AQP7: variants seen among roughly 807,000 people sequenced by gnomAD.
AQP7 encodes the protein aquaporin-7.
AQP7 carries 22 observed loss-of-function variants against 26.1 expected under a neutral mutation model. The observed-to-expected ratio is 0.84, with a 90% CI of 0.60 to 1.20. The LOEUF (loss-of-function observed/expected upper bound fraction) is 1.20. AQP7 is among the 50% of genes most tolerant of loss of function. The pLI, the probability that AQP7 is intolerant of heterozygous loss-of-function variation, is 0.00. For missense variants in AQP7, 412 were observed against 457.5 expected, an observed-to-expected ratio of 0.90 and a Z score of 0.91; for synonymous variants, 167 against 181.7, an observed-to-expected ratio of 0.92 and a Z score of 0.65.
chr9:33,393,006 T>G (rs1465258447), intron 3 of AQP7, among the ~76,000 whole-genome samples: 8 of 152,196 alleles, frequency 5.3e-5, no homozygotes, highest in Non-Finnish European at 8.8e-5. Flanking sequence ...GGCAGGCAGA[T>G]CACCTGAATT....
intron 3 of AQP7, among the ~76,000 whole-genome samples, chr9:33,390,945 A>G (rs956136206): frequency 3.9e-5 from 6 of 152,200 alleles, no homozygotes; most frequent in African/African-American, 1.4e-4. Flanking sequence ...CCCCGTCTCT[A>G]CTAAAGATAC....
chr9:33,390,908 G>C (rs895949421), intron 3 of AQP7, among the ~76,000 whole-genome samples: 1 of 152,304 alleles, frequency 6.6e-6, no homozygotes, highest in African/African-American at 2.4e-5. Context: ...TCAGGAGTTC[G>C]AGACCTGCCT....
intron 1 of AQP7, 29 bp downstream of exon 1, chr9:33,402,344 A>G (rs1202037396): frequency 6.6e-6 from 1 of 152,464 alleles, no homozygotes; most frequent in Non-Finnish European, 1.5e-5. Context: ...AGGCTGCCCC[A>G]TCCCCACCCT....
intron 1 of AQP7, chr9:33,401,716 G>C (rs4008528): frequency 5.2e-6 from 1 of 193,410 alleles, no homozygotes; most frequent in African/African-American, 2.3e-5. Context: ...CACACACACA[G>C]AAGGTGAACA....
At chr9:33,387,210 G>A (rs1404753852) in intron 3 of AQP7, 118 bp from the exon 4 acceptor site, 16 of 1,244,936 alleles carry the variant, frequency 1.3e-5, no homozygotes, top group Middle Eastern at 5.6e-4. Flanking sequence ...GCATTGCCTC[G>A]AAGACCCGCT....
chr9:33,384,771 A>C lies in AQP7; in HGVS notation c.*234T>G, dbSNP rs1824582082. On this transcript the variant is annotated 3_prime_UTR_variant, in exon 8 of 8. Coordinates refer to ENST00000297988, the MANE Select transcript of AQP7 (RefSeq NM_001170.3). ...CGTTCTTTCATCTCACCCTGTTCCTACTGAGGGCGCAGGTCATCTCTTCCC... is the reference window on the plus strand; with the variant it reads ...CGTTCTTTCATCTCACCCTGTTCCTCCTGAGGGCGCAGGTCATCTCTTCCC... The C allele has an allele frequency of 8.0e-6, 4 of 498,224 alleles. No individual in the cohort carries two copies. The highest frequency in any genetic ancestry group is 1.1e-5 in the Non-Finnish European group (3 of 284,772). 30.9% of individuals were successfully genotyped at this position (498,224 alleles called of 1,614,324 possible).
chr9:33,394,374 A>T (rs958425372), intron 3 of AQP7: 1 of 151,078 alleles, frequency 6.6e-6, no homozygotes, highest in Non-Finnish European at 1.5e-5. Flanking sequence ...TACCTTTAAA[A>T]CCCAAATCTG....
chr9:33,394,277 T>C (rs1564185473), intron 3 of AQP7: 1 of 152,330 alleles, frequency 6.6e-6, no homozygotes, highest in Non-Finnish European at 1.5e-5. Context: ...TCACCTTCTC[T>C]CTGTCCCAGA....
intron 2 of AQP7, among the ~76,000 whole-genome samples, chr9:33,396,872 GATCGCTTGAGCCCA>G (rs1564190626): frequency 6.6e-6 from 1 of 151,406 alleles, no homozygotes; most frequent in East Asian, 1.9e-4. Flanking sequence ...GAGGCGAGCT[GATCGCTTGAGCCCA>G]GGAGTTCAAG....
intron 2 of AQP7, among the ~76,000 whole-genome samples, chr9:33,399,372 A>G (rs1826080036): frequency 6.6e-6 from 1 of 152,010 alleles, no homozygotes; most frequent in Non-Finnish European, 1.5e-5. Flanking sequence ...AGGCAGGTGG[A>G]TCACTTGAGG....
rs116837737 is a variant in AQP7, at chr9:33,383,560, G to C, written c.*1445C>G. The stretch of plus-strand genomic sequence containing the variant: ...ACTTCTCCGGTATTGATCAATCCCC[G>C]CTCTCGTCTCCACGCCCACGGTGCT... On this transcript the variant is annotated 3_prime_UTR_variant, in exon 8 of 8. Coordinates refer to ENST00000297988, the MANE Select transcript of AQP7 (RefSeq NM_001170.3). 6.6e-6 allele frequency: 1 copy of C among 152,150 alleles called. No homozygotes were observed. The highest frequency in any genetic ancestry group is 1.5e-5 in the Non-Finnish European group (1 of 68,074). 9.4% of individuals were successfully genotyped at this position (152,150 alleles called of 1,614,324 possible).
chr9:33,399,856 G>A (rs1826128076), intron 2 of AQP7, among the ~76,000 whole-genome samples: 1 of 152,102 alleles, frequency 6.6e-6, no homozygotes, highest in African/African-American at 2.4e-5. Context: ...GTGGTAGAAA[G>A]AATGGTGGAA....
intron 2 of AQP7, among the ~76,000 whole-genome samples, chr9:33,397,256 G>A (rs748187885): frequency 6.6e-6 from 1 of 151,806 alleles, no homozygotes; most frequent in Non-Finnish European, 1.5e-5. Flanking sequence ...GTTGCCTGCC[G>A]TGTGCTGATG....
intron 3 of AQP7, among the ~76,000 whole-genome samples, chr9:33,390,033 A>C (rs1423365416): frequency 1.3e-5 from 2 of 151,386 alleles, no homozygotes; most frequent in Non-Finnish European, 3.0e-5. Context: ...GTCTCAAAAA[A>C]AAAAAAAAAA....
At chr9:33,394,319 GC>G (rs1298286323) in intron 3 of AQP7, 3 of 152,056 alleles carry the variant, frequency 2.0e-5, no homozygotes, top group Non-Finnish European at 4.4e-5. Flanking sequence ...GTTCCCTCTT[GC>G]CAGCCTTGCC....
intron 4 of AQP7, 72 bp downstream of exon 4, chr9:33,386,897 T>C: frequency 1.3e-6 from 2 of 1,596,858 alleles, no homozygotes; most frequent in Admixed American, 1.7e-5. Context: ...AGAAGCTGGC[T>C]GAGGCGGGCA....
At position 33,397,047 on chromosome 9, in the gene AQP7, G is replaced by A. The variant is rs1006724187; in HGVS notation, c.27-1852C>T. On this transcript the variant is annotated intron_variant, in intron 2 of 7. Coordinates refer to ENST00000297988, the MANE Select transcript of AQP7 (RefSeq NM_001170.3). ...GCTCAGAAGGCAGAGGTTGCAGTGA[G>A]CTGAGATCACACCACTGCACTCCAG... 1.7e-4 allele frequency among the ~76,000 whole-genome samples: 25 copies of A among 147,708 alleles called. No individual in the cohort carries two copies. In the Admixed American group the frequency reaches 1.7e-3, roughly 10 times the overall value.
chr9:33,390,027 CAAAAAAAAA>C (rs778333672), intron 3 of AQP7, among the ~76,000 whole-genome samples: 1 of 78,628 alleles, frequency 1.3e-5, no homozygotes, highest in Non-Finnish European at 2.6e-5. Context: ...GACTCCGTCT[CAAAAAAAAA>C]AAAAAAAAAA....
chr9:33,391,012 G>A (rs1825343955), intron 3 of AQP7, among the ~76,000 whole-genome samples: 1 of 152,162 alleles, frequency 6.6e-6, no homozygotes, highest in African/African-American at 2.4e-5. Context: ...TCAGGAGGCT[G>A]AGGCAGGAGA....
Sources: gnomAD v4.1 joint callset for allele counts (sites outside exome capture counted in the v4.1 genomes callset) on GRCh38, gnomAD v4.1.1 for gene constraint, MANE v1.5 for transcripts, NCBI Gene and HGNC (gene_info 2026-07-23, HGNC 2026-07-21) for gene names.